Variants in CFAP54 observed in about 807,000 individuals in gnomAD.
CFAP54 encodes the protein cilia and flagella associated protein 54.
CFAP54 carries 290 observed loss-of-function variants against 370.4 expected under a neutral mutation model. That is an observed-to-expected ratio of 0.78 (90% CI 0.71 to 0.86). The LOEUF (loss-of-function observed/expected upper bound fraction) is 0.86, where lower values mean the gene tolerates loss of function less well. CFAP54 is among the 40% of genes least tolerant of loss of function. The probability of loss-of-function intolerance (pLI) is 0.00; values close to 1 mark genes in which losing one functional copy is unlikely to be tolerated. For synonymous variants in CFAP54, 1,206 were observed against 1,236.5 expected, an observed-to-expected ratio of 0.98 and a Z score of 0.52; for missense variants, 3,399 against 3,528.7, an observed-to-expected ratio of 0.96 and a Z score of 0.93.
rs187460058 is a variant in CFAP54 at position 96,730,944 on chromosome 12, T to C, written c.6966-9012T>C. ...TAAGCAGTGATGAAAATCTGTAAAG[T>C]ATGTTTGGAGCAGTGATTCTGAAAG... On this transcript the variant is annotated intron_variant, in intron 50 of 67. Coordinates refer to ENST00000524981, the MANE Select transcript of CFAP54 (RefSeq NM_001306084.2). Among the ~76,000 whole-genome samples, 8 of 152,344 alleles carry C rather than the reference T, an allele frequency of 5.3e-5. No homozygotes were observed. In the East Asian group the frequency reaches 1.3e-3, roughly 26 times the overall value.
chr12:96,861,899 C>G (rs2136464424), intron 67 of CFAP54, among the ~76,000 whole-genome samples: 1 of 152,238 alleles, frequency 6.6e-6, no homozygotes, highest in South Asian at 2.1e-4. Flanking sequence ...TTCCCAGATG[C>G]TAGTCAGTGA....
intron 25 of CFAP54, among the ~76,000 whole-genome samples, chr12:96,596,796 T>C (rs1367521111): frequency 6.6e-6 from 1 of 152,064 alleles, no homozygotes; most frequent in Non-Finnish European, 1.5e-5. Context: ...AGGGCAAGTA[T>C]ATATACATGT....
chr12:96,698,109 G>A (rs143467164), intron 45 of CFAP54, among the ~76,000 whole-genome samples: 93 of 152,204 alleles, frequency 6.1e-4, no homozygotes, highest in African/African-American at 2.2e-3. Flanking sequence ...CCCTTTGTAT[G>A]TTGTGTATAT....
At chr12:96,691,342 C>G in intron 44 of CFAP54, 32 bp downstream of exon 44, 2 of 1,485,626 alleles carry the variant, frequency 1.3e-6, no homozygotes, top group Non-Finnish European at 1.8e-6. Flanking sequence ...AATTATATAT[C>G]ACTGGGATAT....
rs1387517149 is a variant in CFAP54, at chr12:96,811,700, A to G, written c.8851-36A>G. On this transcript the variant is annotated intron_variant, in intron 63 of 67. Transcript: ENST00000524981. Reference sequence around the variant, plus strand: ...GTTTTTGAGCTAAACTCTAATTTTGATGTCACATTTTATACCCCTTTTATT... The same window carrying G: ...GTTTTTGAGCTAAACTCTAATTTTGGTGTCACATTTTATACCCCTTTTATT... The G allele has an allele frequency of 1.3e-5, 14 of 1,073,488 alleles. No homozygotes were observed. The African/African-American group carries it at 2.0e-4, about 15-fold the overall frequency. The allele number at this position is 1,073,488 out of a possible 1,614,324, so 66.5% of individuals were successfully genotyped here.
chr12:96,715,151 A>C (rs1957661550), intron 48 of CFAP54, among the ~76,000 whole-genome samples: 1 of 152,196 alleles, frequency 6.6e-6, no homozygotes, highest in Non-Finnish European at 1.5e-5. Flanking sequence ...TAAGGAGAGA[A>C]GAGAAGGGAT....
chr12:96,764,168 T>C lies in CFAP54; in HGVS notation c.8058T>C (p.Ser2686=), dbSNP rs1200199504. ...ATTTTTAGCCTCCTCTCAGAAGAAG[T>C]AGTTCTGTTAAAGAAACATCAGCAA... ...PLTLKPPLRR[S]SSVKETSANK... Residue 2686 remains serine (S), a synonymous_variant, in exon 59 of 68, where the codon AGT becomes AGC. Transcript: ENST00000524981. 1.2e-6 allele frequency: 2 copies of C among 1,611,784 alleles called. No individual in the cohort carries two copies. The highest frequency in any genetic ancestry group is 1.3e-5 in the African/African-American group (1 of 74,868).
chr12:96,625,748 A>T lies in CFAP54; in HGVS notation c.3917A>T (p.Asp1306Val). 1 of 1,535,788 alleles carries T rather than the reference A, an allele frequency of 6.5e-7. No individual in the cohort carries two copies. Among genetic ancestry groups the T allele is most frequent in the Non-Finnish European group, 8.7e-7 (1 of 1,146,710 alleles). ...YVTSELSGGEDPIFLYPVVLN... is the reference protein window; with the variant it reads ...YVTSELSGGEVPIFLYPVVLN... Reference sequence around the variant, plus strand: ...ACATCTGAACTCTCAGGAGGAGAGGACCCTATATTTCTTTATCCTGTAGTT... The same window carrying T: ...ACATCTGAACTCTCAGGAGGAGAGGTCCCTATATTTCTTTATCCTGTAGTT... The change falls in exon 29 of 68, where the codon GAC (aspartate) becomes GTC (valine). Residue 1306 changes from aspartate to valine, a missense_variant. Physicochemically the swap from Asp to Val is radical, Grantham distance 152 (BLOSUM62 -3). Coordinates refer to ENST00000524981, the MANE Select transcript of CFAP54 (RefSeq NM_001306084.2).
chr12:96,610,381 CA>C (rs1278062150), intron 26 of CFAP54, among the ~76,000 whole-genome samples: 1 of 151,134 alleles, frequency 6.6e-6, no homozygotes, highest in African/African-American at 2.4e-5. Context: ...TGATAAGCCA[CA>C]AAATTCAAAA....
At chr12:96,667,893 A>G (rs1957099702) in intron 39 of CFAP54, among the ~76,000 whole-genome samples, 1 of 152,052 alleles carries the variant, frequency 6.6e-6, no homozygotes, top group Non-Finnish European at 1.5e-5. Flanking sequence ...CTCCTTAGAA[A>G]TTTCTTCTGC....
rs556651149 is a variant in CFAP54 at position 96,729,420 on chromosome 12, A to G, written c.6965+8855A>G. Among the ~76,000 whole-genome samples the G allele has an allele frequency of 1.1e-4, 17 of 152,290 alleles. No homozygotes were observed. The South Asian group carries it at 1.7e-3, about 15-fold the overall frequency. On this transcript the variant is annotated intron_variant, in intron 50 of 67. Transcript: ENST00000524981. ...TCCCCCAGCCTCGCTTCTGCCTTGC[A>G]GTTTGATCTCAGACTGCTGTGCTAG... is the stretch of plus-strand genomic sequence containing the variant.
intron 38 of CFAP54, among the ~76,000 whole-genome samples, chr12:96,663,532 G>A (rs1464243128): frequency 6.6e-6 from 1 of 152,106 alleles, no homozygotes; most frequent in African/African-American, 2.4e-5. Flanking sequence ...CTTATATAAT[G>A]GAAGATATAT....
chr12:96,729,274 C>T (rs957855622), intron 50 of CFAP54, among the ~76,000 whole-genome samples: 2 of 152,168 alleles, frequency 1.3e-5, no homozygotes, highest in Non-Finnish European at 2.9e-5. Flanking sequence ...CTGTGCCCTG[C>T]CCCCAGAGGT....
chr12:96,499,049 G>C (rs1370511366), intron 1 of CFAP54, among the ~76,000 whole-genome samples: 1 of 152,052 alleles, frequency 6.6e-6, no homozygotes, highest in Non-Finnish European at 1.5e-5. Flanking sequence ...CCTGATCTCA[G>C]CTCACTGCAA....
intron 38 of CFAP54, among the ~76,000 whole-genome samples, chr12:96,662,380 T>G (rs1033229939): frequency 1.3e-5 from 2 of 152,124 alleles, no homozygotes; most frequent in Admixed American, 1.3e-4. Flanking sequence ...GATTTTTGTA[T>G]TTTTAGTAGA....
chr12:96,654,482 C>T lies in CFAP54; in HGVS notation c.5100+2667C>T, dbSNP rs573021771. ...CGCCGCTGCACTCCAGCCTGGGCGA[C>T]AGAGCGAGACTCCGTCTCAAAAAAA... is the stretch of plus-strand genomic sequence containing the variant. On this transcript the variant is annotated intron_variant, in intron 36 of 67. Transcript: ENST00000524981. Among the ~76,000 whole-genome samples, 7 of 136,514 alleles carry T rather than the reference C, an allele frequency of 5.1e-5. No individual in the cohort carries two copies. The East Asian group carries it at 1.3e-3, about 25-fold the overall frequency. 89.6% of individuals were successfully genotyped at this position (136,514 alleles called of 152,430 possible). A position where few individuals can be genotyped will look rare whatever the true frequency, so the allele number is the denominator to read the frequency against.
chr12:96,619,696 G>A (rs138848817), intron 26 of CFAP54, among the ~76,000 whole-genome samples: 1 of 152,134 alleles, frequency 6.6e-6, no homozygotes, highest in Non-Finnish European at 1.5e-5. Flanking sequence ...GGAAAAGATT[G>A]CCCAGTTATC....
rs1406318406 is a variant in CFAP54, at chr12:96,576,729, C to G, written c.2764C>G (p.Leu922Val). Residue 922 changes from leucine to valine, a missense_variant, in exon 20 of 68, where the codon CTC becomes GTC. This residue lies in a region of CFAP54 where 2,796 missense variants were observed against 2,869.7 expected (regional missense o/e 0.97). Coordinates refer to ENST00000524981, the MANE Select transcript of CFAP54 (RefSeq NM_001306084.2). ...GTCTCGAACTCATTGTTCTGTGACA[C>G]TCAAACCTGCTCCATTTACTTCAGA... is the stretch of plus-strand genomic sequence containing the variant. ...LLSRTHCSVT[L>V]KPAPFTSEVK... The G allele has an allele frequency of 6.5e-7, 1 of 1,535,286 alleles. No homozygotes were observed. Among genetic ancestry groups the G allele is most frequent in the Non-Finnish European group, 8.7e-7 (1 of 1,146,560 alleles).
At chr12:96,640,730 A>G (rs1417052446) in intron 32 of CFAP54, among the ~76,000 whole-genome samples, 3 of 152,226 alleles carry the variant, frequency 2.0e-5, no homozygotes, top group Non-Finnish European at 2.9e-5. Flanking sequence ...AAACAGAGAT[A>G]TAGACTAATG....
Sources: allele counts gnomAD v4.1 joint callset (sites outside exome capture counted in the v4.1 genomes callset), GRCh38; gene constraint gnomAD v4.1.1; regional missense constraint gnomAD v4.1.1; transcripts MANE v1.5; gene names NCBI Gene and HGNC (gene_info 2026-07-23, HGNC 2026-07-21).